SNX24: variants seen among roughly 807,000 people sequenced by gnomAD.
The protein encoded by SNX24 is sorting nexin 24.
A neutral mutation model predicts 28.7 loss-of-function variants in SNX24; 22 were observed. That is an observed-to-expected ratio of 0.77 (90% CI 0.55 to 1.10). SNX24 has a LOEUF of 1.10. SNX24 is among the 50% of genes least tolerant of loss of function. The pLI is 0.00. For missense variants in SNX24, 221 were observed against 201.1 expected, an observed-to-expected ratio of 1.10 and a Z score of -0.60; for synonymous variants, 69 against 71.5, an observed-to-expected ratio of 0.96 and a Z score of 0.18.
At chr5:122,928,967 C>T (rs1758831146) in intron 1 of SNX24, among the ~76,000 whole-genome samples, 2 of 151,782 alleles carry the variant, frequency 1.3e-5, no homozygotes, top group Non-Finnish European at 2.9e-5. Context: ...GTTTATTTTT[C>T]TCTGTGACAC....
At chr5:122,970,214 C>A (rs1358441655) in intron 3 of SNX24, among the ~76,000 whole-genome samples, 1 of 149,448 alleles carries the variant, frequency 6.7e-6, no homozygotes, top group Admixed American at 6.8e-5. Flanking sequence ...TGCCTACCTA[C>A]CAAACTACCT....
chr5:122,976,244 G>T (rs867380170), intron 3 of SNX24, among the ~76,000 whole-genome samples: 42 of 149,180 alleles, frequency 2.8e-4, no homozygotes, highest in African/African-American at 1.0e-3. Context: ...TCACAATTTG[G>T]AGGTCCGTGA....
intron 3 of SNX24, chr5:122,982,921 ACT>A (rs935125314): frequency 2.6e-5 from 4 of 152,116 alleles, no homozygotes; most frequent in African/African-American, 9.7e-5. Context: ...AAAAATATTA[ACT>A]CTTTTTTAAA....
intron 1 of SNX24, among the ~76,000 whole-genome samples, chr5:122,876,801 A>C (rs1756244051): frequency 6.6e-6 from 1 of 152,234 alleles, no homozygotes; most frequent in Non-Finnish European, 1.5e-5. Context: ...GATGGTGCTT[A>C]AGCTGCATTT....
At chr5:122,879,571 A>T (rs1056551322) in intron 1 of SNX24, among the ~76,000 whole-genome samples, 3 of 152,140 alleles carry the variant, frequency 2.0e-5, no homozygotes, top group Non-Finnish European at 4.4e-5. Flanking sequence ...TTCCCTCTCT[A>T]CCACTTACAA....
chr5:123,000,274 G>T (rs749829924), intron 4 of SNX24, among the ~76,000 whole-genome samples: 1 of 152,206 alleles, frequency 6.6e-6, no homozygotes, highest in Admixed American at 6.5e-5. Context: ...TACATAGAAT[G>T]ATGTTACTTG....
intron 5 of SNX24, among the ~76,000 whole-genome samples, chr5:123,027,045 T>A (rs931739078): frequency 2.0e-5 from 3 of 151,900 alleles, no homozygotes; most frequent in Non-Finnish European, 2.9e-5. Flanking sequence ...ATACAAAAAA[T>A]CAGCCGGGCA....
intron 3 of SNX24, among the ~76,000 whole-genome samples, chr5:122,973,670 C>G (rs1761048885): frequency 6.6e-6 from 1 of 152,144 alleles, no homozygotes; most frequent in Non-Finnish European, 1.5e-5. Flanking sequence ...TGTGCATGAC[C>G]CACTTTATGG....
At chr5:122,957,071 A>G (rs767706449) in intron 3 of SNX24, among the ~76,000 whole-genome samples, 7 of 152,100 alleles carry the variant, frequency 4.6e-5, no homozygotes, top group Non-Finnish European at 7.3e-5. Flanking sequence ...CTTTGGTGTC[A>G]TACCCAAGAA....
At position 122,943,922 on chromosome 5, in the gene SNX24, A is replaced by T. The variant is rs558024208; in HGVS notation, c.145-2133A>T. 7.2e-5 allele frequency among the ~76,000 whole-genome samples: 11 copies of T among 152,216 alleles called. No individual in the cohort carries two copies. In the South Asian group the frequency reaches 2.3e-3, roughly 32 times the overall value. On this transcript the variant is annotated intron_variant, in intron 2 of 6. Transcript: ENST00000261369. ...TTTCCACAGCTCTAATTACCTATAT[A>T]TTCTGACTCCCACATTTACAGACTT... is the stretch of plus-strand genomic sequence containing the variant.
At chr5:122,874,893 A>C (rs573890113) in intron 1 of SNX24, among the ~76,000 whole-genome samples, 21 of 152,364 alleles carry the variant, frequency 1.4e-4, no homozygotes, top group East Asian at 3.9e-4. Flanking sequence ...TGTTTTAATC[A>C]AATGAAATAA....
intron 6 of SNX24, among the ~76,000 whole-genome samples, chr5:123,002,973 G>A (rs745370699): frequency 1.3e-5 from 2 of 152,206 alleles, no homozygotes; most frequent in Non-Finnish European, 2.9e-5. Flanking sequence ...ACTCTCAGAT[G>A]GTTGATGGGT....
intron 5 of SNX24, chr5:123,028,396 G>A: frequency 5.8e-6 from 1 of 172,544 alleles, no homozygotes; most frequent in Non-Finnish European, 1.2e-5. Context: ...TCTTCCTCCT[G>A]CAACGCCCAC....
At chr5:122,956,397 CACACACACAT>C (rs1404326779) in intron 3 of SNX24, among the ~76,000 whole-genome samples, 4 of 143,998 alleles carry the variant, frequency 2.8e-5, no homozygotes, top group African/African-American at 1.0e-4. Flanking sequence ...CACACACACA[CACACACACAT>C]ACACAGCCAC....
chr5:122,904,067 C>G (rs1487186316), intron 1 of SNX24, among the ~76,000 whole-genome samples: 1 of 151,928 alleles, frequency 6.6e-6, no homozygotes, highest in African/African-American at 2.4e-5. Context: ...CTTATAAATT[C>G]TTGGGTTCTG....
chr5:122,907,987 T>C (rs574955688), intron 1 of SNX24, among the ~76,000 whole-genome samples: 50 of 152,256 alleles, frequency 3.3e-4, no homozygotes, highest in African/African-American at 7.7e-4. Context: ...CAGGACAGAT[T>C]CACAAGTAGT....
intron 1 of SNX24, among the ~76,000 whole-genome samples, chr5:122,854,200 G>T (rs1755063339): frequency 6.6e-6 from 1 of 152,068 alleles, no homozygotes; most frequent in Admixed American, 6.6e-5. Flanking sequence ...GGGATCAAAA[G>T]ATGCATATAA....
chr5:123,008,033 G>A lies in SNX24; in HGVS notation c.*284G>A, dbSNP rs552972246. ...AAAAGGAGGCCACAGGAGATTCCTG[G>A]GAGCACTGGGTGTAGCAAAACAAAG... On this transcript the variant is annotated 3_prime_UTR_variant, in exon 7 of 7. Transcript: ENST00000261369. 9.0e-7 allele frequency: 1 copy of A among 1,108,636 alleles called. No homozygotes were observed. 68.7% of individuals were successfully genotyped at this position (1,108,636 alleles called of 1,614,324 possible).
At chr5:122,866,475 C>T (rs1755728089) in intron 1 of SNX24, among the ~76,000 whole-genome samples, 1 of 152,156 alleles carries the variant, frequency 6.6e-6, no homozygotes, top group African/African-American at 2.4e-5. Context: ...AATACCTCTA[C>T]CCATTCCATA....
Sources: gnomAD v4.1 joint callset for allele counts (sites outside exome capture counted in the v4.1 genomes callset) on GRCh38, gnomAD v4.1.1 for gene constraint, MANE v1.5 for transcripts, NCBI Gene and HGNC (gene_info 2026-07-23, HGNC 2026-07-21) for gene names.